The following RORA variants were observed in gnomAD, a reference collection of about 807,000 sequenced individuals.
The protein encoded by RORA is nuclear receptor ROR-alpha.
In RORA, 7 loss-of-function variants were observed where a neutral mutation model predicts 69.5. That is an observed-to-expected ratio of 0.10 (90% confidence interval 0.06 to 0.19). RORA has a LOEUF of 0.19. Among genes scored for constraint, RORA ranks in the 10% least tolerant of loss-of-function variants. The pLI, the probability that RORA is intolerant of heterozygous loss-of-function variation, is 1.00. For missense variants in RORA, 457 were observed against 663.0 expected (o/e 0.69, Z 3.41); for synonymous variants, 261 against 240.8 (o/e 1.08, Z -0.78).
chr15:60,592,039 C>T (rs1197682156), intron 2 of RORA, among the ~76,000 whole-genome samples: 2 of 151,988 alleles, frequency 1.3e-5, no homozygotes, highest in Non-Finnish European at 2.9e-5. Context: ...CTCTGAACTC[C>T]GCAGACCCTC....
At chr15:60,516,115 A>T (rs1464136383) in intron 3 of RORA, among the ~76,000 whole-genome samples, 1 of 64,262 alleles carries the variant, frequency 1.6e-5, no homozygotes, top group East Asian at 4.4e-4. Flanking sequence ...ATATTATATT[A>T]TATATATTAT....
At chr15:60,859,981 G>A (rs2073421473) in intron 1 of RORA, among the ~76,000 whole-genome samples, 1 of 152,084 alleles carries the variant, frequency 6.6e-6, no homozygotes, top group South Asian at 2.1e-4. Flanking sequence ...ACCTACACCT[G>A]CTGCTTTCAA....
chr15:60,574,266 G>T (rs546632599), intron 2 of RORA, among the ~76,000 whole-genome samples: 24 of 152,330 alleles, frequency 1.6e-4, no homozygotes, highest in African/African-American at 5.5e-4. Flanking sequence ...AAAGGCTAAT[G>T]TAAGTATTAA....
At chr15:60,671,217 A>T (rs918026873) in intron 2 of RORA, among the ~76,000 whole-genome samples, 2 of 151,774 alleles carry the variant, frequency 1.3e-5, no homozygotes, top group African/African-American at 2.4e-5. Flanking sequence ...TAAATGAATT[A>T]CTAAGTTGGT....
intron 1 of RORA, among the ~76,000 whole-genome samples, chr15:60,759,313 A>G (rs1026440936): frequency 5.9e-5 from 9 of 152,298 alleles, no homozygotes; most frequent in Admixed American, 2.0e-4. Context: ...AAATACATAC[A>G]TAGCTTTGTG....
intron 1 of RORA, among the ~76,000 whole-genome samples, chr15:60,996,938 C>A (rs1178739826): frequency 6.6e-6 from 1 of 151,708 alleles, no homozygotes; most frequent in African/African-American, 2.4e-5. Context: ...TTCAAAAGAA[C>A]CTAACGTAAT....
Position 60,741,640 on chromosome 15 carries a change from T to G in RORA, c.167-62954A>C, listed in dbSNP as rs548967698. 1.5e-4 allele frequency among the ~76,000 whole-genome samples: 23 copies of G among 152,132 alleles called. 1 individual carries two copies. Among genetic ancestry groups the G allele is most frequent in the Non-Finnish European group, 2.5e-4 (17 of 68,024 alleles). ...GGGCCATTAGTAAATGCCCCATAAT[T>G]CCTCATAGCAGATCTAGTTCCCCAA... On this transcript the variant is annotated intron_variant, in intron 1 of 10. Transcript: ENST00000335670.
intron 1 of RORA, among the ~76,000 whole-genome samples, chr15:61,152,048 T>A (rs1596030034): frequency 6.6e-6 from 1 of 152,302 alleles, no homozygotes; most frequent in East Asian, 1.9e-4. Flanking sequence ...GATTTCATTC[T>A]CCGCAGCTCA....
At chr15:60,804,029 C>G (rs991426098) in intron 1 of RORA, among the ~76,000 whole-genome samples, 1 of 152,060 alleles carries the variant, frequency 6.6e-6, no homozygotes, top group Non-Finnish European at 1.5e-5. Flanking sequence ...GTGGCTCATG[C>G]CTGTAATCCC....
chr15:61,183,209 A>ATTT (rs2079704822), intron 1 of RORA: 1 of 152,212 alleles, frequency 6.6e-6, no homozygotes, highest in Admixed American at 6.5e-5. Flanking sequence ...TATCTTTACA[A>ATTT]CTGTTCTGCA....
intron 1 of RORA, among the ~76,000 whole-genome samples, chr15:61,100,112 CTTTTTT>C (rs911036920): frequency 2.2e-4 from 26 of 119,054 alleles, no homozygotes; most frequent in South Asian, 1.1e-3. Context: ...GGTCAATTTT[CTTTTTT>C]TTTTTTTTTT....
At chr15:60,594,346 G>A (rs1359905914) in intron 2 of RORA, among the ~76,000 whole-genome samples, 15 of 152,164 alleles carry the variant, frequency 9.9e-5, no homozygotes, top group Non-Finnish European at 1.5e-5. Flanking sequence ...GATTTCCCTT[G>A]TGCTAACGAC....
chr15:61,070,301 G>C (rs782934), intron 1 of RORA, among the ~76,000 whole-genome samples: 126,292 of 152,130 alleles, frequency 0.83, 52,693 homozygotes, highest in Middle Eastern at 0.89. Context: ...CTAGATACCT[G>C]GTACCTTCTA....
At chr15:60,575,671 A>G (rs754445206) in intron 2 of RORA, among the ~76,000 whole-genome samples, 8 of 151,568 alleles carry the variant, frequency 5.3e-5, no homozygotes, top group Non-Finnish European at 8.8e-5. Flanking sequence ...CCAGATCAAG[A>G]AAAAAAAATG....
chr15:60,936,548 T>G (rs151155444), intron 1 of RORA, among the ~76,000 whole-genome samples: 52 of 152,316 alleles, frequency 3.4e-4, no homozygotes, highest in African/African-American at 1.2e-3. Flanking sequence ...ATCCTCTCCA[T>G]CACCGTCACC....
At chr15:61,149,723 A>T (rs1263838343) in intron 1 of RORA, among the ~76,000 whole-genome samples, 1 of 152,212 alleles carries the variant, frequency 6.6e-6, no homozygotes, top group Non-Finnish European at 1.5e-5. Flanking sequence ...TTTATTTCAT[A>T]TTGTCATAAT....
At chr15:60,888,253 G>A (rs1282004938) in intron 1 of RORA, among the ~76,000 whole-genome samples, 1 of 152,194 alleles carries the variant, frequency 6.6e-6, no homozygotes, top group Non-Finnish European at 1.5e-5. Flanking sequence ...GTCCCAGCTG[G>A]GCGGTCCCAA....
rs533003655 is a variant in RORA at position 60,625,211 on chromosome 15, A to AAACAACAACAAC, written c.196+53434_196+53445dup. Among the ~76,000 whole-genome samples, 279 of 152,318 alleles carry AAACAACAACAAC rather than the reference A, an allele frequency of 1.8e-3. 1 individual carries two copies. The highest frequency in any genetic ancestry group is 6.3e-3 in the African/African-American group (262 of 41,578). Reference sequence around the variant, plus strand: ...GAAAGACACAGACCGGGCTTCAGAAAAACAACAACAACAACAGAAAAAAGG... The same window carrying AAACAACAACAAC: ...GAAAGACACAGACCGGGCTTCAGAAAAACAACAACAACAACAACAACAACAACAGAAAAAAGG... On this transcript the variant is annotated intron_variant, in intron 2 of 10. Coordinates refer to ENST00000335670, the MANE Select transcript of RORA (RefSeq NM_134261.3).
intron 1 of RORA, among the ~76,000 whole-genome samples, chr15:60,824,968 A>G (rs1213140355): frequency 1.3e-5 from 2 of 152,252 alleles, no homozygotes; most frequent in African/African-American, 4.8e-5. Context: ...AAGACAGTCC[A>G]AATGGGCTAA....
Sources: gnomAD v4.1 joint callset for allele counts (sites outside exome capture counted in the v4.1 genomes callset) on GRCh38, gnomAD v4.1.1 for gene constraint, MANE v1.5 for transcripts, NCBI Gene and HGNC (gene_info 2026-07-23, HGNC 2026-07-21) for gene names.